The following ACSL4 variants were observed in gnomAD, a reference collection of about 807,000 sequenced individuals.
ACSL4 encodes the protein acyl-CoA synthetase long chain family member 4.
A neutral mutation model predicts 49.1 loss-of-function variants in ACSL4; 9 were observed. The ratio of observed to expected loss-of-function variants is 0.18; its 90% confidence interval spans 0.11 to 0.32. The LOEUF is 0.32. Among genes scored for constraint, ACSL4 ranks in the 10% least tolerant of loss-of-function variants. The probability of loss-of-function intolerance (pLI) is 1.00; values close to 1 mark genes in which losing one functional copy is unlikely to be tolerated. For synonymous variants in ACSL4, 191 were observed against 170.3 expected, an observed-to-expected ratio of 1.12 and a Z score of -0.95; for missense variants, 333 against 493.7, an observed-to-expected ratio of 0.67 and a Z score of 3.08.
intron 1 of ACSL4, among the ~76,000 whole-genome samples, chrX:109,721,481 C>T (rs780277228): frequency 6.2e-5 from 7 of 112,128 alleles, no homozygotes; most frequent in Non-Finnish European, 1.3e-4. Context: ...CCTATAATCC[C>T]AGCACTCTGG....
At chrX:109,709,342 G>A (rs916975387) in intron 1 of ACSL4, among the ~76,000 whole-genome samples, 2 of 112,083 alleles carry the variant, frequency 1.8e-5, no homozygotes, top group African/African-American at 3.2e-5. Flanking sequence ...CTGGTTCTGG[G>A]ACCAAATACT....
intron 12 of ACSL4, among the ~76,000 whole-genome samples, chrX:109,664,880 A>G (rs1018462807): frequency 2.7e-5 from 3 of 111,978 alleles, no homozygotes; most frequent in African/African-American, 9.7e-5. Flanking sequence ...AGACTGGTTG[A>G]TATTTGCCTT....
chrX:109,729,191 G>A (rs1388794422), intron 1 of ACSL4, among the ~76,000 whole-genome samples: 2 of 110,934 alleles, frequency 1.8e-5, no homozygotes, highest in African/African-American at 6.6e-5. Context: ...TCCAGCCTGG[G>A]CAACAGAGCG....
intron 1 of ACSL4, among the ~76,000 whole-genome samples, chrX:109,714,817 A>G (rs1926999458): frequency 8.9e-6 from 1 of 112,239 alleles, no homozygotes; most frequent in Non-Finnish European, 1.9e-5. Flanking sequence ...AATGTTCACA[A>G]TGATGAAATT....
At chrX:109,645,132 C>T (rs1318852130) in intron 15 of ACSL4, among the ~76,000 whole-genome samples, 17 of 113,308 alleles carry the variant, frequency 1.5e-4, no homozygotes, top group Non-Finnish European at 2.4e-4. Context: ...CTTAGGTAAA[C>T]AAAGCAGCTG....
At chrX:109,657,470 T>G (rs1272702932) in intron 15 of ACSL4, among the ~76,000 whole-genome samples, 1 of 109,224 alleles carries the variant, frequency 9.2e-6, no homozygotes, top group African/African-American at 3.4e-5. Context: ...ATGCGGTGTT[T>G]GGTTTTTTGT....
chrX:109,661,141 T>TAAAGAAAATAAGA (rs1235151706), intron 14 of ACSL4, among the ~76,000 whole-genome samples: 11 of 111,766 alleles, frequency 9.8e-5, no homozygotes, highest in African/African-American at 3.6e-4. Flanking sequence ...ATAAGACATA[T>TAAAGAAAATAAGA]CAACATATAA....
At chrX:109,674,694 C>T (rs918184383) in intron 8 of ACSL4, among the ~76,000 whole-genome samples, 2 of 112,011 alleles carry the variant, frequency 1.8e-5, no homozygotes, top group Non-Finnish European at 3.8e-5. Context: ...AGAGGAGAAA[C>T]CTTGATCCAG....
At chrX:109,671,692 GAGA>G (rs1466406600) in intron 9 of ACSL4, among the ~76,000 whole-genome samples, 2 of 112,517 alleles carry the variant, frequency 1.8e-5, no homozygotes, top group African/African-American at 6.5e-5. Flanking sequence ...TCTGTGTAGA[GAGA>G]AGTAGACATA....
chrX:109,707,948 AT>A (rs1221340283), intron 1 of ACSL4, among the ~76,000 whole-genome samples: 19 of 106,349 alleles, frequency 1.8e-4, no homozygotes, highest in African/African-American at 2.7e-4. Context: ...ATTACAGGTG[AT>A]TTTTTTTTTT....
chrX:109,712,497 T>A (rs770808961), intron 1 of ACSL4, among the ~76,000 whole-genome samples: 2 of 112,207 alleles, frequency 1.8e-5, no homozygotes, highest in South Asian at 7.3e-4. Flanking sequence ...GTTCAGTGTG[T>A]TTACACTTAC....
At chrX:109,656,961 T>C (rs183867062) in intron 15 of ACSL4, among the ~76,000 whole-genome samples, 2 of 111,776 alleles carry the variant, frequency 1.8e-5, no homozygotes, top group Non-Finnish European at 3.8e-5. Context: ...GGCATTGCTC[T>C]CCTGGCATCT....
chrX:109,683,903 T>C (rs1924385438), intron 2 of ACSL4, among the ~76,000 whole-genome samples: 1 of 112,027 alleles, frequency 8.9e-6, no homozygotes, highest in Non-Finnish European at 1.9e-5. Flanking sequence ...TCTGAATTTA[T>C]TTTTTTCTAG....
At chrX:109,679,285 A>G (rs7886473) in intron 6 of ACSL4, among the ~76,000 whole-genome samples, 45,092 of 110,434 alleles carry the variant, frequency 0.41, 8,027 homozygotes, top group Middle Eastern at 0.62. Flanking sequence ...CACTTTCAAG[A>G]CAGTGTATAG....
rs58613239 is a variant in ACSL4 at position 109,713,940 on chromosome X, T to C, written c.-65-17744A>G. ...ATTCAAGAATACTAGCAAACCACCA[T>C]GGACATATCAATATTTCTAAAAAGA... is the stretch of plus-strand genomic sequence containing the variant. On this transcript the variant is annotated intron_variant, in intron 1 of 15. Coordinates refer to ENST00000672401, the MANE Select transcript of ACSL4 (RefSeq NM_001318510.2). Among the ~76,000 whole-genome samples the C allele has an allele frequency of 1.6e-4, 18 of 112,091 alleles. 1 individual carries two copies. In the East Asian group the frequency reaches 4.7e-3, roughly 30 times the overall value.
chrX:109,716,896 T>C (rs1167824881), intron 1 of ACSL4, among the ~76,000 whole-genome samples: 2 of 112,379 alleles, frequency 1.8e-5, no homozygotes, highest in South Asian at 3.7e-4. Context: ...ATATTGCCCA[T>C]GTATCCCTAA....
chrX:109,704,242 T>C (rs1926182063), intron 1 of ACSL4, among the ~76,000 whole-genome samples: 1 of 111,853 alleles, frequency 8.9e-6, no homozygotes, highest in Non-Finnish European at 1.9e-5. Flanking sequence ...TCTGATAGTT[T>C]TCACTTTATC....
At chrX:109,704,909 CTTATT>C (rs775687160) in intron 1 of ACSL4, among the ~76,000 whole-genome samples, 264 of 109,719 alleles carry the variant, frequency 2.4e-3, no homozygotes, top group African/African-American at 6.7e-3. Flanking sequence ...TAGGGTATAT[CTTATT>C]TTAAGTGTTT....
chrX:109,712,437 C>T, intron 1 of ACSL4, among the ~76,000 whole-genome samples: 1 of 111,829 alleles, frequency 8.9e-6, no homozygotes, highest in Non-Finnish European at 1.9e-5. Flanking sequence ...AAACTTGATG[C>T]CAATTCTGGG....
Sources: gnomAD v4.1 joint callset for allele counts (sites outside exome capture counted in the v4.1 genomes callset) on GRCh38, gnomAD v4.1.1 for gene constraint, MANE v1.5 for transcripts, NCBI Gene and HGNC (gene_info 2026-07-23, HGNC 2026-07-21) for gene names.